RAD54L2: variants seen among roughly 807,000 people sequenced by gnomAD.
RAD54L2 encodes helicase ARIP4.
Under a neutral mutation model 138.4 loss-of-function variants are expected in RAD54L2, and 27 were observed. The observed-to-expected ratio is 0.20, with a 90% CI of 0.14 to 0.27. The LOEUF is 0.27. Ranked by LOEUF, RAD54L2 falls within the 10% of genes least tolerant of loss-of-function variation. The pLI is 1.00. For synonymous variants in RAD54L2, 644 were observed against 723.2 expected (o/e 0.89, Z 1.76); for missense variants, 1,396 against 1,890.2 (o/e 0.74, Z 4.85).
rs534581447 is a variant in RAD54L2, at chr3:51,635,626, T to C, written c.1176T>C (p.Asp392=). Residue 392 remains aspartate, a synonymous_variant, in exon 10 of 23, where the codon GAT becomes GAC. Coordinates refer to ENST00000684192, the MANE Select transcript of RAD54L2 (RefSeq NM_015106.4). ...TMASRAKVMA[D]WVSEGGVLLM... is the part of the protein sequence containing the mutation. ...CATCTCGTGCTAAAGTGATGGCTGA[T>C]TGGGTGTCAGAGGGTGGCGTGCTGC... The C allele has an allele frequency of 1.7e-4, 272 of 1,612,784 alleles. 5 individuals are homozygous for C. In the South Asian group the frequency reaches 2.8e-3, roughly 17 times the overall value.
At chr3:51,561,660 C>T (rs1384506253) in intron 2 of RAD54L2, among the ~76,000 whole-genome samples, 1 of 152,054 alleles carries the variant, frequency 6.6e-6, no homozygotes, top group Non-Finnish European at 1.5e-5. Context: ...CTCCCAGGCT[C>T]AAGCAATCCT....
chr3:51,641,850 G>A lies in RAD54L2; in HGVS notation c.2333G>A (p.Arg778Gln), dbSNP rs760894528. 3 of 1,587,738 alleles carry A rather than the reference G, an allele frequency of 1.9e-6. No individual in the cohort carries two copies. Among genetic ancestry groups the A allele is most frequent in the Non-Finnish European group, 2.6e-6 (3 of 1,166,278 alleles). The change falls in exon 15 of 23, where the codon CGA becomes CAA. Residue 778 changes from arginine (R) to glutamine (Q), a missense_variant. Physicochemically the swap from Arg to Gln is conservative, Grantham distance 43. This residue lies in a region of RAD54L2 where 211 missense variants were observed against 273.8 expected (regional missense o/e 0.77). Coordinates refer to ENST00000684192, the MANE Select transcript of RAD54L2 (RefSeq NM_015106.4). ...TEGQGAQKWV[R>Q]NISYFRLDGS... is the part of the protein sequence containing the mutation. ...GGGCAAGGAGCACAGAAGTGGGTTCGAAACATCAGCTACTTCCGTGAGTTC... is the reference window on the plus strand; with the variant it reads ...GGGCAAGGAGCACAGAAGTGGGTTCAAAACATCAGCTACTTCCGTGAGTTC...
rs1477186512 is a variant in RAD54L2 at position 51,645,719 on chromosome 3, G to T, written c.2785G>T (p.Val929Phe). The change falls in exon 18 of 23, where the codon GTC (valine) becomes TTC (phenylalanine). Residue 929 changes from valine to phenylalanine, a missense_variant. Transcript: ENST00000684192. This position sits in a 1 kb window ranked among gnomAD's most constrained non-coding sequence, Gnocchi z 6.1. ...GAACGTAAAGGGGATCAAGGAGTCA[G>T]TCCTGCAACTGGCCTGTCTGAAGTA... The part of the protein sequence containing the change: ...SLNVKGIKES[V>F]LQLACLKYPH... The T allele has an allele frequency of 1.2e-6, 2 of 1,612,972 alleles. No homozygotes were observed. The highest frequency in any genetic ancestry group is 2.2e-5 in the South Asian group (2 of 90,710).
chr3:51,616,605 A>C (rs953192788), intron 3 of RAD54L2, among the ~76,000 whole-genome samples: 6 of 152,110 alleles, frequency 3.9e-5, no homozygotes, highest in Admixed American at 3.9e-4. Flanking sequence ...AGGTGGATGG[A>C]TCACCTGAGG....
intron 5 of RAD54L2, among the ~76,000 whole-genome samples, chr3:51,629,762 T>C (rs543725287): frequency 1.8e-4 from 27 of 151,962 alleles, no homozygotes; most frequent in Non-Finnish European, 3.7e-4. Context: ...ACTAGGAGGC[T>C]GAGGCAGGGG....
chr3:51,592,617 C>G (rs1311254751), intron 3 of RAD54L2, among the ~76,000 whole-genome samples: 1 of 151,402 alleles, frequency 6.6e-6, no homozygotes. Context: ...TTTGTTGGCC[C>G]TGGCTGGAGT....
At chr3:51,646,558 G>A in intron 19 of RAD54L2, 77 bp downstream of exon 19, 1 of 1,364,878 alleles carries the variant, frequency 7.3e-7, no homozygotes. Context: ...TTTAAATAAA[G>A]GCAGAGCCTA....
At chr3:51,552,546 G>T (rs1490721818) in intron 2 of RAD54L2, among the ~76,000 whole-genome samples, 2 of 148,154 alleles carry the variant, frequency 1.3e-5, no homozygotes, top group African/African-American at 5.0e-5. Flanking sequence ...ACAGGTGTGA[G>T]CCACTGCGCC....
At chr3:51,579,257 C>G (rs562081034) in intron 2 of RAD54L2, among the ~76,000 whole-genome samples, 1 of 151,110 alleles carries the variant, frequency 6.6e-6, no homozygotes, top group South Asian at 2.1e-4. Flanking sequence ...CCACCTCAAG[C>G]CTGGGATTTT....
Position 51,630,446 on chromosome 3 carries a change from C to T in RAD54L2, c.598+58C>T, listed in dbSNP as rs2106796618. 2.0e-6 allele frequency: 3 copies of T among 1,491,702 alleles called. No individual in the cohort carries two copies. The South Asian group carries it at 3.4e-5, about 17-fold the overall frequency. 92.4% of individuals were successfully genotyped at this position (1,491,702 alleles called of 1,614,324 possible). On this transcript the variant is annotated intron_variant, in intron 6 of 22. Transcript: ENST00000684192. Reference sequence around the variant, plus strand: ...GACCTGGTGTTCATGCTGAGATCGGCTATACTTTGAAAAGAGTCCAGTCCT... The same window carrying T: ...GACCTGGTGTTCATGCTGAGATCGGTTATACTTTGAAAAGAGTCCAGTCCT...
intron 3 of RAD54L2, 81 bp from the exon 4 acceptor site, chr3:51,627,472 A>T (rs1700717323): frequency 4.4e-6 from 6 of 1,373,520 alleles, no homozygotes; most frequent in South Asian, 2.5e-5. Flanking sequence ...CTGAGTTGAG[A>T]TTTGAACCCA....
intron 3 of RAD54L2, among the ~76,000 whole-genome samples, chr3:51,622,310 G>A (rs1306148313): frequency 6.6e-6 from 1 of 152,180 alleles, no homozygotes; most frequent in Admixed American, 6.5e-5. Flanking sequence ...CACACACGCA[G>A]TACATTCCTA....
chr3:51,639,859 C>T (rs1462493161), intron 13 of RAD54L2, 22 bp from the exon 14 acceptor site: 2 of 1,557,090 alleles, frequency 1.3e-6, no homozygotes, highest in Non-Finnish European at 1.8e-6. Context: ...CTGCTCTAAG[C>T]TGCCTTGTTT....
chr3:51,572,882 C>T (rs759611851), intron 2 of RAD54L2, among the ~76,000 whole-genome samples: 2 of 151,804 alleles, frequency 1.3e-5, no homozygotes, highest in Non-Finnish European at 2.9e-5. Context: ...TTGTGATTCG[C>T]CTGCCTCAGC....
At chr3:51,629,731 C>T (rs1042554701) in intron 5 of RAD54L2, among the ~76,000 whole-genome samples, 3 of 151,876 alleles carry the variant, frequency 2.0e-5, no homozygotes, top group African/African-American at 4.8e-5. Flanking sequence ...GGCGTGGTGG[C>T]GTGAGCCTGT....
chr3:51,563,121 TAA>T (rs1157989790), intron 2 of RAD54L2, among the ~76,000 whole-genome samples: 1 of 152,202 alleles, frequency 6.6e-6, no homozygotes, highest in Non-Finnish European at 1.5e-5. Flanking sequence ...AGTTTTTTAA[TAA>T]GTCTTTGTTG....
In RAD54L2 at chr3:51,629,467, C is replaced by T; in HGVS notation, c.475C>T (p.Leu159Phe). The change falls in exon 5 of 23, where the codon CTC (leucine) becomes TTC (phenylalanine). Residue 159 changes from leucine to phenylalanine, a missense_variant. Leu to Phe is a conservative substitution (Grantham distance 22, BLOSUM62 0). Transcript: ENST00000684192. ...APIPTVPLEF[L>F]PEEIALRASD... Reference sequence around the variant, plus strand: ...TATTCCTACTGTTCCGCTGGAGTTCCTCCCTGGTAAGCAGTGGACATGGCA... The same window carrying T: ...TATTCCTACTGTTCCGCTGGAGTTCTTCCCTGGTAAGCAGTGGACATGGCA... The T allele has an allele frequency of 6.2e-7, 1 of 1,612,590 alleles. No homozygotes were observed. Among genetic ancestry groups the T allele is most frequent in the African/African-American group, 1.3e-5 (1 of 75,016 alleles).
intron 2 of RAD54L2, among the ~76,000 whole-genome samples, chr3:51,557,830 CAAAAAAAA>C (rs1166273906): frequency 6.2e-5 from 2 of 32,212 alleles, no homozygotes; most frequent in Non-Finnish European, 1.4e-4. Context: ...AACTCCATCT[CAAAAAAAA>C]AAAAAAAAAA....
At chr3:51,640,052 A>C in intron 14 of RAD54L2, 53 bp downstream of exon 14, 1 of 1,395,892 alleles carries the variant, frequency 7.2e-7, no homozygotes, top group South Asian at 1.2e-5. Context: ...AAGAATGACA[A>C]AACCACCACA....
Sources: allele counts gnomAD v4.1 joint callset (sites outside exome capture counted in the v4.1 genomes callset), GRCh38; gene constraint gnomAD v4.1.1; regional missense constraint gnomAD v4.1.1; non-coding constraint Gnocchi (gnomAD v3.1); transcripts MANE v1.5; gene names NCBI Gene and HGNC (gene_info 2026-07-23, HGNC 2026-07-21).